Variants in GRIK2 observed in about 807,000 individuals in gnomAD.
GRIK2 encodes the protein glutamate receptor ionotropic, kainate 2.
A neutral mutation model predicts 100.3 loss-of-function variants in GRIK2; 32 were observed. The observed-to-expected ratio is 0.32, with a 90% CI of 0.24 to 0.43. The LOEUF (loss-of-function observed/expected upper bound fraction) is 0.43. Among genes scored for constraint, GRIK2 ranks in the 20% least tolerant of loss-of-function variants. The pLI, the probability that GRIK2 is intolerant of heterozygous loss-of-function variation, is 1.00. For synonymous variants in GRIK2, 417 were observed against 389.4 expected (o/e 1.07, Z -0.83); for missense variants, 843 against 1,114.9 (o/e 0.76, Z 3.47).
At chr6:101,981,509 A>G (rs1052872531) in intron 14 of GRIK2, among the ~76,000 whole-genome samples, 7 of 152,054 alleles carry the variant, frequency 4.6e-5, no homozygotes, top group Admixed American at 3.3e-4. Flanking sequence ...AGTTAAAGAG[A>G]TAAATTATCT....
chr6:101,679,326 T>C (rs939815993), intron 5 of GRIK2, among the ~76,000 whole-genome samples: 4 of 152,176 alleles, frequency 2.6e-5, no homozygotes, highest in Non-Finnish European at 5.9e-5. Context: ...TGGTTGCATA[T>C]TATCTGCCTA....
chr6:101,611,333 T>TC (rs1295946577), intron 2 of GRIK2, among the ~76,000 whole-genome samples: 41 of 151,974 alleles, frequency 2.7e-4, no homozygotes, highest in African/African-American at 9.6e-4. Flanking sequence ...CTTCTTTTTT[T>TC]CAAATGCCCA....
At chr6:101,793,959 T>A (rs1257157590) in intron 7 of GRIK2, among the ~76,000 whole-genome samples, 1 of 152,168 alleles carries the variant, frequency 6.6e-6, no homozygotes, top group East Asian at 1.9e-4. Context: ...CAGTTTGATC[T>A]CAGACTTCTG....
chr6:101,652,813 C>A (rs1781863380), intron 4 of GRIK2, among the ~76,000 whole-genome samples: 2 of 152,084 alleles, frequency 1.3e-5, no homozygotes, highest in South Asian at 4.2e-4. Context: ...TGATTTCTTT[C>A]ATAAGCCTGC....
intron 14 of GRIK2, among the ~76,000 whole-genome samples, chr6:102,018,543 C>A (rs1769250985): frequency 6.6e-6 from 1 of 152,044 alleles, no homozygotes; most frequent in African/African-American, 2.4e-5. Context: ...TGGCACCCAG[C>A]AATTCATCAA....
intron 13 of GRIK2, 31 bp downstream of exon 13, chr6:101,924,750 G>C (rs1478175750): frequency 1.5e-6 from 2 of 1,344,478 alleles, no homozygotes; most frequent in Non-Finnish European, 2.1e-6. Context: ...TTTCCTTTGG[G>C]CACCATGTCC....
intron 10 of GRIK2, among the ~76,000 whole-genome samples, chr6:101,842,088 T>C (rs1481274346): frequency 6.6e-6 from 1 of 152,194 alleles, no homozygotes; most frequent in Non-Finnish European, 1.5e-5. Context: ...ATAACATCAT[T>C]CCTGGCACAA....
chr6:101,835,191 G>A (rs1782988221), intron 10 of GRIK2, among the ~76,000 whole-genome samples: 1 of 152,040 alleles, frequency 6.6e-6, no homozygotes, highest in Admixed American at 6.6e-5. Flanking sequence ...CCTCTTGAAA[G>A]CAATTTTGAT....
intron 1 of GRIK2, among the ~76,000 whole-genome samples, chr6:101,396,138 A>G (rs1774995262): frequency 1.3e-5 from 2 of 152,070 alleles, no homozygotes; most frequent in Non-Finnish European, 2.9e-5. Context: ...GTGTGGTATC[A>G]GTATTGGGGA....
chr6:101,660,607 G>A (rs1769540014), intron 4 of GRIK2, among the ~76,000 whole-genome samples: 1 of 152,150 alleles, frequency 6.6e-6, no homozygotes, highest in Non-Finnish European at 1.5e-5. Context: ...TATCTTAGAT[G>A]ATTTATCTAC....
chr6:101,739,866 C>G (rs1775910679), intron 7 of GRIK2, among the ~76,000 whole-genome samples: 1 of 152,056 alleles, frequency 6.6e-6, no homozygotes, highest in Non-Finnish European at 1.5e-5. Context: ...ATGGCCTAAC[C>G]CGAAAAGTAT....
intron 7 of GRIK2, among the ~76,000 whole-genome samples, chr6:101,692,011 A>G (rs1485863582): frequency 7.5e-6 from 1 of 133,656 alleles, no homozygotes; most frequent in Non-Finnish European, 1.5e-5. Context: ...GTGTTCACCC[A>G]GCTAAACTCC....
chr6:101,623,004 T>G (rs1364877728), intron 3 of GRIK2, among the ~76,000 whole-genome samples: 1 of 152,062 alleles, frequency 6.6e-6, no homozygotes, highest in Non-Finnish European at 1.5e-5. Context: ...AGGAATTAAA[T>G]TTTATAATAA....
At position 101,676,719 on chromosome 6, in the gene GRIK2, C is replaced by G. The variant is rs752608111; in HGVS notation, c.638C>G (p.Pro213Arg). The change falls in exon 5 of 17, where the codon CCC becomes CGC. Residue 213 changes from proline to arginine, a missense_variant. Coordinates refer to ENST00000369134, the MANE Select transcript of GRIK2 (RefSeq NM_021956.5). ...QLPADTKDAK[P>R]LLKEMKRGKE... is the part of the protein sequence containing the mutation. ...CCTGCTGATACAAAGGATGCAAAAC[C>G]CTTACTAAAAGAAATGAAAAGAGGC... is the stretch of plus-strand genomic sequence containing the variant. 3 of 1,606,584 alleles carry G rather than the reference C, an allele frequency of 1.9e-6. No homozygotes were observed. The highest frequency in any genetic ancestry group is 2.2e-5 in the East Asian group (1 of 44,482).
At chr6:101,716,393 T>C (rs1315703404) in intron 7 of GRIK2, among the ~76,000 whole-genome samples, 1 of 151,692 alleles carries the variant, frequency 6.6e-6, no homozygotes, top group Admixed American at 6.6e-5. Context: ...AATTCCTTAG[T>C]GTCAGATATT....
chr6:101,906,152 A>G (rs1416360956), intron 12 of GRIK2, among the ~76,000 whole-genome samples: 1 of 151,760 alleles, frequency 6.6e-6, no homozygotes, highest in Non-Finnish European at 1.5e-5. Context: ...TACATGTACC[A>G]TAGTACAAAA....
intron 14 of GRIK2, among the ~76,000 whole-genome samples, chr6:101,992,239 C>T (rs1794416364): frequency 6.6e-6 from 1 of 151,548 alleles, no homozygotes; most frequent in African/African-American, 2.4e-5. Context: ...AGGAAAGACA[C>T]CGTTACATGA....
At chr6:101,650,064 G>A (rs1451519763) in intron 4 of GRIK2, among the ~76,000 whole-genome samples, 2 of 152,072 alleles carry the variant, frequency 1.3e-5, no homozygotes, top group East Asian at 1.9e-4. Flanking sequence ...ACAAATTACT[G>A]TTTCCTTTGA....
At chr6:101,630,500 A>T (rs1447675127) in intron 4 of GRIK2, among the ~76,000 whole-genome samples, 2 of 152,124 alleles carry the variant, frequency 1.3e-5, no homozygotes, top group African/African-American at 4.8e-5. Flanking sequence ...TGTTGGCTGC[A>T]TGTACATCTT....
Sources: allele counts gnomAD v4.1 joint callset (sites outside exome capture counted in the v4.1 genomes callset), GRCh38; gene constraint gnomAD v4.1.1; transcripts MANE v1.5; gene names NCBI Gene and HGNC (gene_info 2026-07-23, HGNC 2026-07-21).